The following GAS2L3 variants were observed in gnomAD, a reference collection of about 807,000 sequenced individuals.
The protein encoded by GAS2L3 is GAS2-like protein 3.
Under a neutral mutation model 37.0 loss-of-function variants are expected in GAS2L3, and 28 were observed. The ratio of observed to expected loss-of-function variants is 0.76; its 90% CI spans 0.56 to 1.04. GAS2L3 has a LOEUF of 1.04. GAS2L3 is among the 50% of genes least tolerant of loss of function. The pLI is 0.00. For synonymous variants in GAS2L3, 290 were observed against 296.6 expected, an observed-to-expected ratio of 0.98 and a Z score of 0.23; for missense variants, 793 against 817.6, an observed-to-expected ratio of 0.97 and a Z score of 0.37.
intron 1 of GAS2L3, among the ~76,000 whole-genome samples, chr12:100,589,329 A>G (rs1321754023): frequency 7.1e-6 from 1 of 140,828 alleles, no homozygotes; most frequent in Non-Finnish European, 1.5e-5. Context: ...AACCCCTTTT[A>G]TAATAGCTGC....
rs769786484 is a variant in GAS2L3 at position 100,623,873 on chromosome 12, A to G, written c.1068A>G (p.Ala356=). The change falls in exon 10 of 10, where the codon GCA becomes GCG. Residue 356 remains alanine, a synonymous_variant. Coordinates refer to ENST00000547754, the MANE Select transcript of GAS2L3 (RefSeq NM_174942.3). The stretch of plus-strand genomic sequence containing the variant: ...GTCCACCAGGTGCATTGGTGCCAGC[A>G]TCTTCACTGAAAGGAGGTAATCTGG... ...QGRPPGALVP[A]SSLKGGNLGS... is the part of the protein sequence containing the mutation. The G allele has an allele frequency of 3.7e-6, 6 of 1,614,098 alleles. No homozygotes were observed. Among genetic ancestry groups the G allele is most frequent in the Non-Finnish European group, 5.1e-6 (6 of 1,179,998 alleles).
intron 3 of GAS2L3, 109 bp from the exon 4 acceptor site, chr12:100,600,272 TG>T (rs1955968472): frequency 1.5e-6 from 1 of 681,474 alleles, no homozygotes; most frequent in Non-Finnish European, 2.4e-6. Flanking sequence ...GCTTTTTATA[TG>T]TGTCTATTAT....
chr12:100,590,762 TGAA>T (rs1012114299), intron 1 of GAS2L3, among the ~76,000 whole-genome samples: 26 of 152,184 alleles, frequency 1.7e-4, no homozygotes, highest in Admixed American at 3.9e-4. Context: ...TAAAAAGGAA[TGAA>T]TTAACAGCAT....
At position 100,579,644 on chromosome 12, in the gene GAS2L3, A is replaced by C. The variant is rs997584158; in HGVS notation, c.-152+5859A>C. On this transcript the variant is annotated intron_variant, in intron 1 of 9. Coordinates refer to ENST00000547754, the MANE Select transcript of GAS2L3 (RefSeq NM_174942.3). ...AGAATGTTAGAAATGTCTTAGTTCA[A>C]GGACATATTTTTCTTAATACCTCCC... The C allele has an allele frequency of 6.4e-6, 5 of 777,262 alleles. No individual in the cohort carries two copies. The African/African-American group carries it at 8.5e-5, about 13-fold the overall frequency. The allele number at this position is 777,262 out of a possible 1,614,324, so 48.1% of individuals were successfully genotyped here.
chr12:100,622,319 AT>A lies in GAS2L3; in HGVS notation c.697del (p.Ser233LeufsTer12). On this transcript the variant is annotated frameshift_variant, in exon 9 of 10. Coordinates refer to ENST00000547754, the MANE Select transcript of GAS2L3 (RefSeq NM_174942.3). LOFTEE classifies it high-confidence loss of function. ...ACCCTCCTTGTAGTTGTTCTCATCG[AT>A]TTTCTATTGAGTATTTATCTGAAGG... ...EDPPCSCSHR[F>X]SIEYLSEGRY... The A allele has an allele frequency of 6.2e-7, 1 of 1,606,358 alleles. No homozygotes were observed. The highest frequency in any genetic ancestry group is 8.5e-7 in the Non-Finnish European group (1 of 1,173,752).
intron 5 of GAS2L3, among the ~76,000 whole-genome samples, chr12:100,602,355 T>C (rs1159753596): frequency 6.6e-6 from 1 of 152,016 alleles, no homozygotes; most frequent in Non-Finnish European, 1.5e-5. Flanking sequence ...TCATCAAATG[T>C]AGGTATTCTC....
In GAS2L3 at chr12:100,623,814, G is replaced by T; in HGVS notation, c.1009G>T (p.Val337Phe). 1 of 1,614,094 alleles carries T rather than the reference G, an allele frequency of 6.2e-7. No individual in the cohort carries two copies. The highest frequency in any genetic ancestry group is 1.1e-5 in the South Asian group (1 of 91,072). Reference sequence around the variant, plus strand: ...ACAAAATTCAAAACCCAGCGTGCCAGTTAGTATTCCAAAAAGCAAAGAAAA... The same window carrying T: ...ACAAAATTCAAAACCCAGCGTGCCATTTAGTATTCCAAAAAGCAAAGAAAA... Reference protein sequence around the residue: ...QKQNSKPSVPVSIPKSKEKQG... With the variant: ...QKQNSKPSVPFSIPKSKEKQG... The change falls in exon 10 of 10, where the codon GTT (valine) becomes TTT (phenylalanine). Residue 337 changes from valine (V) to phenylalanine (F), a missense_variant. Coordinates refer to ENST00000547754, the MANE Select transcript of GAS2L3 (RefSeq NM_174942.3).
chr12:100,586,468 C>T (rs1369200323), intron 1 of GAS2L3, among the ~76,000 whole-genome samples: 1 of 152,170 alleles, frequency 6.6e-6, no homozygotes, highest in Admixed American at 6.5e-5. Context: ...CAATAGCCTG[C>T]TCCTGAATGA....
chr12:100,620,839 T>G (rs1463880480), intron 8 of GAS2L3, among the ~76,000 whole-genome samples: 1 of 152,046 alleles, frequency 6.6e-6, no homozygotes, highest in African/African-American at 2.4e-5. Context: ...TCAGCATGGT[T>G]CTAATAACTG....
In GAS2L3 at chr12:100,579,326, C is replaced by T. The variant is rs748729789; in HGVS notation, c.-152+5541C>T. On this transcript the variant is annotated intron_variant, in intron 1 of 9. Coordinates refer to ENST00000547754, the MANE Select transcript of GAS2L3 (RefSeq NM_174942.3). ...TACTAGTAAGGAAAATACCGTACTACGAGCGGCACTGATTACTGAAATAGT... is the reference window on the plus strand; with the variant it reads ...TACTAGTAAGGAAAATACCGTACTATGAGCGGCACTGATTACTGAAATAGT... 9.8e-5 allele frequency: 65 copies of T among 663,102 alleles called. No individual in the cohort carries two copies. In the Middle Eastern group the frequency reaches 1.6e-3, roughly 16 times the overall value. The allele number at this position is 663,102 out of a possible 1,614,324, so 41.1% of individuals were successfully genotyped here.
At chr12:100,595,891 T>G (rs1955905822) in intron 3 of GAS2L3, among the ~76,000 whole-genome samples, 1 of 152,080 alleles carries the variant, frequency 6.6e-6, no homozygotes, top group Non-Finnish European at 1.5e-5. Flanking sequence ...TTTCCAGATA[T>G]AAACCTAGAG....
chr12:100,583,518 CCTTT>C (rs1238001918), intron 1 of GAS2L3, among the ~76,000 whole-genome samples: 24 of 152,272 alleles, frequency 1.6e-4, no homozygotes, highest in African/African-American at 5.1e-4. Flanking sequence ...TTCCTTCCTT[CCTTT>C]CTTTCTTTTT....
intron 5 of GAS2L3, among the ~76,000 whole-genome samples, chr12:100,606,827 C>T (rs1293806824): frequency 2.0e-5 from 3 of 151,944 alleles, no homozygotes; most frequent in South Asian, 4.1e-4. Context: ...TCTTATTATA[C>T]TGTCTATGTC....
In GAS2L3 at chr12:100,594,893, A is replaced by C. The variant is rs561291023; in HGVS notation, c.-12A>C. On this transcript the variant is annotated 5_prime_UTR_variant, in exon 3 of 10. Coordinates refer to ENST00000547754, the MANE Select transcript of GAS2L3 (RefSeq NM_174942.3). ...TTTTCAGAAAAGAAATTTCATTTCA[A>C]TATAGGTGACTATGCAGCCTGCAAT... 7.5e-7 allele frequency: 1 copy of C among 1,340,270 alleles called. No homozygotes were observed. Among genetic ancestry groups the C allele is most frequent in the African/African-American group, 1.5e-5 (1 of 66,512 alleles). The allele number at this position is 1,340,270 out of a possible 1,614,324, so 83.0% of individuals were successfully genotyped here.
At position 100,625,227 on chromosome 12, in the gene GAS2L3, T is replaced by G. The variant is rs543139331; in HGVS notation, c.*337T>G. The G allele has an allele frequency of 3.4e-4, 61 of 177,288 alleles. 1 individual carries two copies. Among genetic ancestry groups the G allele is most frequent in the Non-Finnish European group, 5.7e-4 (47 of 82,490 alleles). The allele number at this position is 177,288 out of a possible 1,614,324, so 11.0% of individuals were successfully genotyped here. Reference sequence around the variant, plus strand: ...AAGAATTTTAACAATAGTTGCTCTATTTTTGAATATGTATTAAATATGGAG... The same window carrying G: ...AAGAATTTTAACAATAGTTGCTCTAGTTTTGAATATGTATTAAATATGGAG... On this transcript the variant is annotated 3_prime_UTR_variant, in exon 10 of 10. Coordinates refer to ENST00000547754, the MANE Select transcript of GAS2L3 (RefSeq NM_174942.3).
At chr12:100,588,995 T>A (rs1955814102) in intron 1 of GAS2L3, among the ~76,000 whole-genome samples, 1 of 152,142 alleles carries the variant, frequency 6.6e-6, no homozygotes, top group South Asian at 2.1e-4. Flanking sequence ...TGTTTTACAA[T>A]CAATTTGTAG....
chr12:100,574,275 A>C (rs796886338), intron 1 of GAS2L3, among the ~76,000 whole-genome samples: 1 of 152,130 alleles, frequency 6.6e-6, no homozygotes, highest in African/African-American at 2.4e-5. Flanking sequence ...TGGCCCTGCA[A>C]AGAGAAAGAG....
intron 1 of GAS2L3, among the ~76,000 whole-genome samples, chr12:100,574,179 A>T (rs1593152365): frequency 6.6e-6 from 1 of 152,190 alleles, no homozygotes; most frequent in East Asian, 1.9e-4. Context: ...TGGGATCTTC[A>T]GGGGCACCCT....
chr12:100,613,630 T>C (rs1188476651), intron 6 of GAS2L3, among the ~76,000 whole-genome samples: 8 of 151,760 alleles, frequency 5.3e-5, no homozygotes, highest in Non-Finnish European at 1.2e-4. Flanking sequence ...AGTCTCGCTA[T>C]GTCGCCCAGG....
Sources: allele counts gnomAD v4.1 joint callset (sites outside exome capture counted in the v4.1 genomes callset), GRCh38; gene constraint gnomAD v4.1.1; transcripts MANE v1.5; gene names NCBI Gene and HGNC (gene_info 2026-07-23, HGNC 2026-07-21).